PCDH19: variants seen among roughly 807,000 people sequenced by gnomAD.
The protein encoded by PCDH19 is protocadherin-19.
In PCDH19, 6 loss-of-function variants were observed where a neutral mutation model predicts 46.2. The ratio of observed to expected loss-of-function variants is 0.13; its 90% confidence interval spans 0.07 to 0.26. The LOEUF (loss-of-function observed/expected upper bound fraction) is 0.26. Ranked by LOEUF, PCDH19 falls within the 10% of genes least tolerant of loss-of-function variation. The pLI is 1.00. For synonymous variants in PCDH19, 481 were observed against 415.7 expected, an observed-to-expected ratio of 1.16 and a Z score of -1.91; for missense variants, 740 against 972.3, an observed-to-expected ratio of 0.76 and a Z score of 3.18.
intron 3 of PCDH19, among the ~76,000 whole-genome samples, chrX:100,371,889 C>CACAA (rs3222643): frequency 1.9e-5 from 2 of 105,919 alleles, no homozygotes; most frequent in Non-Finnish European, 3.9e-5. Context: ...CACACCCACA[C>CACAA]AAAACTTAAA....
intron 5 of PCDH19, 60 bp downstream of exon 5, chrX:100,341,843 T>A (rs1386405606): frequency 9.4e-7 from 1 of 1,059,196 alleles, no homozygotes; most frequent in Non-Finnish European, 1.3e-6. Context: ...ATAGTGTGCC[T>A]ACAAACATTT....
At chrX:100,393,280 A>G (rs1309529235) in intron 3 of PCDH19, among the ~76,000 whole-genome samples, 1 of 110,402 alleles carries the variant, frequency 9.1e-6, no homozygotes, top group Non-Finnish European at 1.9e-5. Context: ...GCATTTCCTC[A>G]GGGAGACAAC....
At chrX:100,312,445 G>A (rs1467882692) in intron 5 of PCDH19, among the ~76,000 whole-genome samples, 1 of 111,623 alleles carries the variant, frequency 9.0e-6, no homozygotes, top group Non-Finnish European at 1.9e-5. Context: ...CATCTTACAT[G>A]GACAATGCTA....
chrX:100,357,323 A>G (rs898822735), intron 3 of PCDH19, among the ~76,000 whole-genome samples: 2 of 111,965 alleles, frequency 1.8e-5, no homozygotes, highest in African/African-American at 6.5e-5. Context: ...TTTGGCCCTC[A>G]TATGTGTCAT....
In PCDH19 at chrX:100,296,484, G is replaced by T; in HGVS notation, c.3240C>A (p.Ser1080=). 1 of 1,211,406 alleles carries T rather than the reference G, an allele frequency of 8.3e-7. No homozygotes were observed. The highest frequency in any genetic ancestry group is 1.1e-6 in the Non-Finnish European group (1 of 895,321). ...GAGCCAGGGCAATGGTGTAAGACAC[G>T]GAAGGCTTGGTGGGCAGAGAGCTCT... ...HLKSSLPTKP[S]VSYTIALAPP... Residue 1080 remains serine, a synonymous_variant, in exon 6 of 6, where the codon TCC becomes TCA. Transcript: ENST00000373034.
At chrX:100,322,865 A>ATATATATATATATATATATTTTTTTT in intron 5 of PCDH19, among the ~76,000 whole-genome samples, 13 of 54,396 alleles carry the variant, frequency 2.4e-4, no homozygotes, top group Non-Finnish European at 3.3e-4. Flanking sequence ...ATATATATAT[A>ATATATATATATATATATATTTTTTTT]TTTTTGCAGC....
At chrX:100,348,759 T>C (rs190546902) in intron 4 of PCDH19, among the ~76,000 whole-genome samples, 6 of 111,302 alleles carry the variant, frequency 5.4e-5, no homozygotes, top group Non-Finnish European at 1.1e-4. Context: ...GAAATACATG[T>C]ATCCCCAAAG....
At chrX:100,310,865 T>A (rs940526194) in intron 5 of PCDH19, among the ~76,000 whole-genome samples, 2 of 108,955 alleles carry the variant, frequency 1.8e-5, no homozygotes, top group Non-Finnish European at 3.8e-5. Flanking sequence ...AAAAAAAACT[T>A]CTTTAGAGAC....
intron 5 of PCDH19, among the ~76,000 whole-genome samples, chrX:100,337,067 G>A (rs113814477): frequency 1.1e-3 from 127 of 111,158 alleles, no homozygotes; most frequent in African/African-American, 3.8e-3. Context: ...CCCTAATCAC[G>A]CAACAAACCC....
At position 100,405,083 on chromosome X, in the gene PCDH19, G is replaced by C. The variant is rs183450413; in HGVS notation, c.2147+1368C>G. ...GTGGTTAGCATTTGTCTACTAACTT[G>C]TGTAACGCAGAGAATAGTAAAAGGG... is the stretch of plus-strand genomic sequence containing the variant. On this transcript the variant is annotated intron_variant, in intron 1 of 5. Coordinates refer to ENST00000373034, the MANE Select transcript of PCDH19 (RefSeq NM_001184880.2). Among the ~76,000 whole-genome samples the C allele has an allele frequency of 4.4e-5, 5 of 112,470 alleles. No homozygotes were observed. In the East Asian group the frequency reaches 1.4e-3, roughly 31 times the overall value.
chrX:100,328,640 C>T (rs1488011074), intron 5 of PCDH19, among the ~76,000 whole-genome samples: 1 of 111,463 alleles, frequency 9.0e-6, no homozygotes, highest in African/African-American at 3.3e-5. Flanking sequence ...TTCAGACAGT[C>T]AAAACATAAC....
At chrX:100,333,907 A>G (rs993014819) in intron 5 of PCDH19, among the ~76,000 whole-genome samples, 7 of 107,688 alleles carry the variant, frequency 6.5e-5, no homozygotes, top group African/African-American at 2.4e-4. Context: ...CTTGTGCTTC[A>G]GCCTCCCGAG....
In PCDH19 at chrX:100,409,709, TCCGCCGCCGCCG is replaced by T. The variant is rs59564734; in HGVS notation, c.-1124_-1113del. On this transcript the variant is annotated 5_prime_UTR_variant, in exon 1 of 6. Coordinates refer to ENST00000373034, the MANE Select transcript of PCDH19 (RefSeq NM_001184880.2). ...TTTGGGCTGGGGTGTCGCTCCAAGG[TCCGCCGCCGCCG>T]CCGCCGCCGCCGCCGCCGCGGGAGG... is the stretch of plus-strand genomic sequence containing the variant. 9.8e-5 allele frequency: 24 copies of T among 244,358 alleles called. No individual in the cohort carries two copies. The highest frequency in any genetic ancestry group is 2.9e-4 in the African/African-American group (9 of 30,839). 20.1% of individuals were successfully genotyped at this position (244,358 alleles called of 1,213,427 possible). A position where few individuals can be genotyped will look rare whatever the true frequency, so the allele number is the denominator to read the frequency against.
At chrX:100,370,472 C>T (rs1042743414) in intron 3 of PCDH19, among the ~76,000 whole-genome samples, 7 of 112,142 alleles carry the variant, frequency 6.2e-5, no homozygotes, top group African/African-American at 2.3e-4. Context: ...TTTTGTTCTT[C>T]TATGCCCCTC....
intron 5 of PCDH19, among the ~76,000 whole-genome samples, chrX:100,304,602 A>G (rs1471695993): frequency 1.8e-5 from 2 of 112,352 alleles, no homozygotes; most frequent in African/African-American, 6.5e-5. Flanking sequence ...AAAAATTCAG[A>G]AGGTCAATTA....
In PCDH19 at chrX:100,295,071, C is replaced by T. The variant is rs1397905135; in HGVS notation, c.*1206G>A. Reference sequence around the variant, plus strand: ...TTACCTGTCTTTTCCAAAATATACACTTTGTACTGCTTACTCTATCCCTAC... The same window carrying T: ...TTACCTGTCTTTTCCAAAATATACATTTTGTACTGCTTACTCTATCCCTAC... On this transcript the variant is annotated 3_prime_UTR_variant, in exon 6 of 6. Transcript: ENST00000373034. 1 of 112,093 alleles carries T rather than the reference C, an allele frequency of 8.9e-6. No homozygotes were observed. Among genetic ancestry groups the T allele is most frequent in the African/African-American group, 3.3e-5 (1 of 30,764 alleles). The allele number at this position is 112,093 out of a possible 1,213,427, so 9.2% of individuals were successfully genotyped here.
intron 3 of PCDH19, among the ~76,000 whole-genome samples, chrX:100,398,586 C>T (rs923365804): frequency 8.9e-6 from 1 of 111,761 alleles, no homozygotes; most frequent in Non-Finnish European, 1.9e-5. Flanking sequence ...ATTGCTTGCC[C>T]GTGAAATCAT....
intron 5 of PCDH19, among the ~76,000 whole-genome samples, chrX:100,338,521 CAA>C (rs67274603): frequency 0.06 from 3,472 of 57,661 alleles, 62 homozygotes; most frequent in African/African-American, 0.072. Context: ...GACTCTGTCT[CAA>C]AAAAAAAAAA....
chrX:100,366,045 AAG>A, intron 3 of PCDH19, among the ~76,000 whole-genome samples: 1 of 112,196 alleles, frequency 8.9e-6, no homozygotes, highest in East Asian at 2.8e-4. Context: ...ATACTGTAGA[AAG>A]AGGATGTATG....
Sources: allele counts gnomAD v4.1 joint callset (sites outside exome capture counted in the v4.1 genomes callset), GRCh38; gene constraint gnomAD v4.1.1; transcripts MANE v1.5; gene names NCBI Gene and HGNC (gene_info 2026-07-23, HGNC 2026-07-21).